INSYN2B: variants seen among roughly 807,000 people sequenced by gnomAD.
The protein encoded by INSYN2B is inhibitory synaptic factor family member 2B, also known as protein INSYN2B.
In INSYN2B, 16 loss-of-function variants were observed where a neutral mutation model predicts 41.2. That is an observed-to-expected ratio of 0.39 (90% CI 0.26 to 0.59). The LOEUF is 0.59. Among genes scored for constraint, INSYN2B ranks in the 20% least tolerant of loss-of-function variants. INSYN2B has a pLI of 0.57. For missense variants in INSYN2B, 608 were observed against 646.4 expected (o/e 0.94, Z 0.64); for synonymous variants, 245 against 244.4 (o/e 1.00, Z -0.02).
In INSYN2B at chr5:169,861,403, G is replaced by T. The variant is rs191327209; in HGVS notation, c.*2870C>A. ...ACATCAGTACATCGTCTTTAAGAAGGTGCTCTATAGATGAGCTGGTATTAA... is the reference window on the plus strand; with the variant it reads ...ACATCAGTACATCGTCTTTAAGAAGTTGCTCTATAGATGAGCTGGTATTAA... On this transcript the variant is annotated 3_prime_UTR_variant, in exon 4 of 4. Transcript: ENST00000377365. Among the ~76,000 whole-genome samples, 367 of 152,270 alleles carry T rather than the reference G, an allele frequency of 2.4e-3. 3 individuals are homozygous for T. Among genetic ancestry groups the T allele is most frequent in the South Asian group, 8.7e-3 (42 of 4,828 alleles).
chr5:169,898,600 C>G (rs1273476710), intron 1 of INSYN2B, among the ~76,000 whole-genome samples: 1 of 152,096 alleles, frequency 6.6e-6, no homozygotes, highest in African/African-American at 2.4e-5. Flanking sequence ...GAAAGAATGA[C>G]AGTTAAGCTC....
chr5:169,916,541 C>A (rs1443138002), intron 1 of INSYN2B, among the ~76,000 whole-genome samples: 1 of 152,238 alleles, frequency 6.6e-6, no homozygotes, highest in Non-Finnish European at 1.5e-5. Flanking sequence ...GGCAACCTTC[C>A]TGTGCCTCCC....
intron 1 of INSYN2B, among the ~76,000 whole-genome samples, chr5:169,959,314 A>T (rs1279455778): frequency 6.6e-6 from 1 of 151,720 alleles, no homozygotes; most frequent in Non-Finnish European, 1.5e-5. Context: ...AATCGCTTGA[A>T]CCTGAGATCA....
intron 1 of INSYN2B, among the ~76,000 whole-genome samples, chr5:169,948,481 C>A (rs1042836679): frequency 2.0e-5 from 3 of 152,112 alleles, no homozygotes; most frequent in Non-Finnish European, 4.4e-5. Flanking sequence ...CTCTCTCTCT[C>A]TATCTGTATA....
chr5:169,890,157 T>C (rs1193812082), intron 1 of INSYN2B, among the ~76,000 whole-genome samples: 1 of 152,358 alleles, frequency 6.6e-6, no homozygotes, highest in South Asian at 2.1e-4. Flanking sequence ...GGGGCTCTGG[T>C]GGAGACCCCG....
intron 1 of INSYN2B, among the ~76,000 whole-genome samples, chr5:169,964,182 G>A (rs1016250880): frequency 1.3e-5 from 2 of 152,162 alleles, no homozygotes; most frequent in Non-Finnish European, 2.9e-5. Context: ...TCTGTGTGCA[G>A]AGGAAGACCC....
chr5:169,964,209 G>A (rs1456619536), intron 1 of INSYN2B, among the ~76,000 whole-genome samples: 1 of 152,184 alleles, frequency 6.6e-6, no homozygotes, highest in Non-Finnish European at 1.5e-5. Flanking sequence ...ATTACATTCT[G>A]TGCTTTATCC....
At chr5:169,868,026 G>A (rs1164717660) in intron 3 of INSYN2B, among the ~76,000 whole-genome samples, 2 of 152,180 alleles carry the variant, frequency 1.3e-5, no homozygotes, top group African/African-American at 4.8e-5. Flanking sequence ...TCCCTACTGT[G>A]ACAGAAAAAC....
chr5:169,880,917 G>T (rs948367904), intron 3 of INSYN2B, among the ~76,000 whole-genome samples: 1 of 152,174 alleles, frequency 6.6e-6, no homozygotes, highest in Non-Finnish European at 1.5e-5. Context: ...TCTTGACTGT[G>T]CCAAGTAAGG....
At chr5:169,940,092 G>C (rs1332802148) in intron 1 of INSYN2B, among the ~76,000 whole-genome samples, 1 of 152,182 alleles carries the variant, frequency 6.6e-6, no homozygotes, top group East Asian at 1.9e-4. Context: ...TGGGGAGAGG[G>C]GTGATTAGGG....
At chr5:169,950,536 G>A (rs562150093) in intron 1 of INSYN2B, among the ~76,000 whole-genome samples, 2 of 152,188 alleles carry the variant, frequency 1.3e-5, no homozygotes, top group Non-Finnish European at 2.9e-5. Context: ...CTCTCTTGTA[G>A]CAAAGAAGTC....
At position 169,960,843 on chromosome 5, in the gene INSYN2B, T is replaced by C. The variant is rs2113744286; in HGVS notation, c.-919+19434A>G. Among the ~76,000 whole-genome samples, 3 of 152,356 alleles carry C rather than the reference T, an allele frequency of 2.0e-5. 1 individual carries two copies. In the South Asian group the frequency reaches 6.2e-4, roughly 32 times the overall value. On this transcript the variant is annotated intron_variant, in intron 1 of 3. Transcript: ENST00000377365. ...GTGATGAAATCCTACTCTCTTTGCCTAGGATGTGAATCATCCCTTTGTCCA... is the reference window on the plus strand; with the variant it reads ...GTGATGAAATCCTACTCTCTTTGCCCAGGATGTGAATCATCCCTTTGTCCA...
At chr5:169,953,145 A>G in intron 1 of INSYN2B, among the ~76,000 whole-genome samples, 1 of 152,140 alleles carries the variant, frequency 6.6e-6, no homozygotes, top group East Asian at 1.9e-4. Flanking sequence ...AACATGGCGA[A>G]ACCCTGTCTC....
intron 1 of INSYN2B, among the ~76,000 whole-genome samples, chr5:169,972,285 C>A (rs1777531868): frequency 6.6e-6 from 1 of 152,100 alleles, no homozygotes; most frequent in South Asian, 2.1e-4. Flanking sequence ...ATGCATTTTG[C>A]ACTTATCATT....
intron 1 of INSYN2B, among the ~76,000 whole-genome samples, chr5:169,901,442 T>G (rs1040204094): frequency 6.6e-6 from 1 of 152,152 alleles, no homozygotes; most frequent in Admixed American, 6.5e-5. Context: ...TGGGCATGCA[T>G]GCGTGCATGT....
Position 169,950,984 on chromosome 5 carries a change from A to G in INSYN2B, c.-919+29293T>C, listed in dbSNP as rs867846841. ...AGACTATATAAAATTGGGCGGTTGA[A>G]TGTAAACATTTAGATTTCCAGCTGC... On this transcript the variant is annotated intron_variant, in intron 1 of 3. Transcript: ENST00000377365. Among the ~76,000 whole-genome samples the G allele has an allele frequency of 3.3e-5, 5 of 152,344 alleles. No individual in the cohort carries two copies. The Middle Eastern group carries it at 0.01, about 311-fold the overall frequency.
intron 1 of INSYN2B, among the ~76,000 whole-genome samples, chr5:169,912,330 G>T (rs1774642364): frequency 6.6e-6 from 1 of 152,116 alleles, no homozygotes; most frequent in South Asian, 2.1e-4. Context: ...AGTGTATTGG[G>T]TTCCTTGGTT....
In INSYN2B at chr5:169,953,595, G is replaced by T. The variant is rs371951936; in HGVS notation, c.-919+26682C>A. ...TGCATTATTAATAGCATTAGACGAG[G>T]CTGAGAGTCAGCTACAGAGGAGACC... On this transcript the variant is annotated intron_variant, in intron 1 of 3. Coordinates refer to ENST00000377365, the MANE Select transcript of INSYN2B (RefSeq NM_001129891.3). 5.3e-5 allele frequency among the ~76,000 whole-genome samples: 8 copies of T among 152,140 alleles called. No homozygotes were observed. The East Asian group carries it at 9.6e-4, about 18-fold the overall frequency.
intron 2 of INSYN2B, 102 bp from the exon 3 acceptor site, chr5:169,881,544 C>G: frequency 2.3e-6 from 2 of 866,312 alleles, no homozygotes; most frequent in Non-Finnish European, 1.9e-6. Flanking sequence ...ACAGCATTCA[C>G]GGTGCTCTGA....
Sources: allele counts gnomAD v4.1 joint callset (sites outside exome capture counted in the v4.1 genomes callset), GRCh38; gene constraint gnomAD v4.1.1; transcripts MANE v1.5; gene names NCBI Gene and HGNC (gene_info 2026-07-23, HGNC 2026-07-21).